The following SCAF11 variants were observed in gnomAD, a reference collection of about 807,000 sequenced individuals.
The protein encoded by SCAF11 is protein SCAF11.
In SCAF11, 47 loss-of-function variants were observed where a neutral mutation model predicts 140.5. The observed-to-expected ratio is 0.33, with a 90% CI of 0.26 to 0.43. The LOEUF (loss-of-function observed/expected upper bound fraction) is 0.43. SCAF11 is among the 20% of genes least tolerant of loss of function. The pLI is 1.00. For synonymous variants in SCAF11, 557 were observed against 579.4 expected (o/e 0.96, Z 0.55); for missense variants, 1,645 against 1,705.1 (o/e 0.96, Z 0.62).
chr12:45,977,551 C>T (rs1403100202), intron 1 of SCAF11, among the ~76,000 whole-genome samples: 2 of 152,048 alleles, frequency 1.3e-5, no homozygotes, highest in African/African-American at 4.8e-5. Flanking sequence ...CCTCAAAAAG[C>T]TCAATTTTAC....
In SCAF11 at chr12:45,927,326, G is replaced by C. The variant is rs1206376371; in HGVS notation, c.2375C>G (p.Ser792Cys). 1 of 1,613,304 alleles carries C rather than the reference G, an allele frequency of 6.2e-7. No individual in the cohort carries two copies. Among genetic ancestry groups the C allele is most frequent in the Non-Finnish European group, 8.5e-7 (1 of 1,179,592 alleles). Reference sequence around the variant, plus strand: ...AGTTGTAGATGGAGAATGAAATCTAGATCTTCGAGTACGAGGCTTTTTGGT... The same window carrying C: ...AGTTGTAGATGGAGAATGAAATCTACATCTTCGAGTACGAGGCTTTTTGGT... The part of the protein sequence containing the change: ...DKTKKPRTRR[S>C]RFHSPSTTWS... Residue 792 changes from serine (S) to cysteine (C), a missense_variant, in exon 11 of 15, where the codon TCT becomes TGT. Physicochemically the swap from Ser to Cys is moderately radical, Grantham distance 112. This residue lies in a region of SCAF11 where 1,582 missense variants were observed against 1,609.2 expected (regional missense o/e 0.98). Transcript: ENST00000369367.
At chr12:45,960,115 A>G (rs1945790124) in intron 3 of SCAF11, among the ~76,000 whole-genome samples, 1 of 152,198 alleles carries the variant, frequency 6.6e-6, no homozygotes, top group Non-Finnish European at 1.5e-5. Context: ...AGTAGAGTTA[A>G]GTATGTGCAT....
At chr12:45,991,971 C>CA, upstream of SCAF11, 1 of 1,289,206 alleles carries the variant, frequency 7.8e-7, no homozygotes, top group South Asian at 1.2e-5. Flanking sequence ...GCTCTCCAGC[C>CA]ACCCTGACGC....
In SCAF11 at chr12:45,924,801, G is replaced by A; in HGVS notation, c.3833C>T (p.Pro1278Leu). The change falls in exon 12 of 15, where the codon CCA becomes CTA. Residue 1278 changes from proline to leucine, a missense_variant. Around this residue, in one of 2 missense-constraint regions of SCAF11, gnomAD observed 1,582 missense variants for 1,609.2 expected, o/e 0.98. Transcript: ENST00000369367. ...TPTSVSQGLP[P>L]PPPPPPPSQQ... is the part of the protein sequence containing the mutation. ...GGATGGTGGGGGAGGGGGTGGTGGT[G>A]GTGGTAGTCCCTGAGATACACTGGT... 1 of 1,613,828 alleles carries A rather than the reference G, an allele frequency of 6.2e-7. No individual in the cohort carries two copies. The highest frequency in any genetic ancestry group is 8.5e-7 in the Non-Finnish European group (1 of 1,179,902).
intron 8 of SCAF11, 147 bp downstream of exon 8, chr12:45,934,029 T>C (rs1945114074): frequency 5.7e-6 from 3 of 521,980 alleles, no homozygotes; most frequent in Non-Finnish European, 6.8e-6. Context: ...TAGTTTACCT[T>C]CCCCCCCGCC....
At chr12:45,955,423 T>G (rs973116224) in intron 3 of SCAF11, 1 of 152,504 alleles carries the variant, frequency 6.6e-6, no homozygotes. Flanking sequence ...GTGTTGGGAT[T>G]ACAAGCGTGA....
intron 1 of SCAF11, chr12:45,974,255 T>C (rs1320435105): frequency 2.1e-6 from 1 of 469,826 alleles, no homozygotes; most frequent in Admixed American, 2.4e-5. Context: ...TTTTTGATGG[T>C]GGAGGGTCTT....
intron 1 of SCAF11, among the ~76,000 whole-genome samples, chr12:45,968,942 C>A (rs913083228): frequency 2.0e-5 from 3 of 152,034 alleles, no homozygotes; most frequent in Middle Eastern, 6.3e-3. Context: ...CACCCAAAAA[C>A]GCAAAAAACA....
intron 13 of SCAF11, 108 bp from the exon 14 acceptor site, chr12:45,922,690 A>T (rs1944743730): frequency 9.1e-6 from 10 of 1,095,926 alleles, no homozygotes; most frequent in Non-Finnish European, 1.3e-5. Context: ...AGACTCTCCA[A>T]CTATTAACGT....
At chr12:45,961,493 G>T (rs1945828575) in intron 3 of SCAF11, 1 of 575,664 alleles carries the variant, frequency 1.7e-6, no homozygotes, top group East Asian at 2.9e-5. Context: ...AAAAAAGTAT[G>T]CATTTAAAAT....
At chr12:45,929,077 C>T in intron 10 of SCAF11, 1 of 324,340 alleles carries the variant, frequency 3.1e-6, no homozygotes, top group East Asian at 5.0e-5. Flanking sequence ...TAGATTTGGT[C>T]CAAATGGGCA....
At chr12:45,945,436 T>C (rs1945399404) in intron 5 of SCAF11, 123 bp from the exon 6 acceptor site, 3 of 617,548 alleles carry the variant, frequency 4.9e-6, no homozygotes, top group Non-Finnish European at 8.5e-6. Flanking sequence ...GTAACTATGC[T>C]GAAATCTGGT....
At position 45,926,810 on chromosome 12, in the gene SCAF11, G is replaced by A; in HGVS notation, c.2891C>T (p.Pro964Leu). 6.2e-7 allele frequency: 1 copy of A among 1,614,048 alleles called. No homozygotes were observed. The highest frequency in any genetic ancestry group is 8.5e-7 in the Non-Finnish European group (1 of 1,180,014). Residue 964 changes from proline to leucine, a missense_variant, in exon 11 of 15, where the codon CCC (proline) becomes CTC (leucine). By Grantham distance (98) the Pro-to-Leu change is moderately conservative. Coordinates refer to ENST00000369367, the MANE Select transcript of SCAF11 (RefSeq NM_004719.3). ...ATTTGCCCATCTTCCCTTCCACCGG[G>A]GAGAGTAACTATCTCTGTCAATTCT... ...FGRIDRDSYS[P>L]RWKGRWANDG...
chr12:45,927,062 G>A lies in SCAF11; in HGVS notation c.2639C>T (p.Ser880Leu), dbSNP rs1038327940. ...AGAAGTTTCTCTTCTTGGGGACAGT[G>A]ATTCAGATCTTCTGCTTTCCCTAGT... ...DTTRESRRSE[S>L]LSPRRETSRE... Residue 880 changes from serine (S) to leucine (L), a missense_variant, in exon 11 of 15, where the codon TCA (serine) becomes TTA (leucine). Ser to Leu is a moderately radical substitution (Grantham distance 145). This residue lies in a region of SCAF11 where 1,582 missense variants were observed against 1,609.2 expected (regional missense o/e 0.98). Transcript: ENST00000369367. 37 of 1,614,030 alleles carry A rather than the reference G, an allele frequency of 2.3e-5. No individual in the cohort carries two copies. Among genetic ancestry groups the A allele is most frequent in the Non-Finnish European group, 3.0e-5 (35 of 1,180,026 alleles).
intron 1 of SCAF11, among the ~76,000 whole-genome samples, chr12:45,980,001 G>A (rs186441004): frequency 3.7e-4 from 56 of 152,144 alleles, no homozygotes; most frequent in Admixed American, 3.3e-3. Context: ...AGATTTTTGT[G>A]TAAGCGTTTC....
chr12:45,978,138 A>T (rs1565692718), intron 1 of SCAF11, among the ~76,000 whole-genome samples: 1 of 152,174 alleles, frequency 6.6e-6, no homozygotes, highest in Non-Finnish European at 1.5e-5. Context: ...ATCAAATGAC[A>T]GGCTTCCATT....
At position 45,990,558 on chromosome 12, in the gene SCAF11, T is replaced by C; in HGVS notation, c.-227A>G. ...CCCAGGTTGCGCTGCTCCGCGCGGC[T>C]TAAGCCACCGCTACTCCCCCTTCCC... On this transcript the variant is annotated 5_prime_UTR_variant, in exon 1 of 15. Transcript: ENST00000369367. 1 of 1,231,492 alleles carries C rather than the reference T, an allele frequency of 8.1e-7. No individual in the cohort carries two copies. Among genetic ancestry groups the C allele is most frequent in the Non-Finnish European group, 1.0e-6 (1 of 987,966 alleles). The allele number at this position is 1,231,492 out of a possible 1,614,324, so 76.3% of individuals were successfully genotyped here.
chr12:45,934,874 T>C (rs1045165431), intron 6 of SCAF11: 4 of 153,684 alleles, frequency 2.6e-5, no homozygotes, highest in African/African-American at 9.6e-5. Context: ...ATAATACACT[T>C]AACATTTCTT....
intron 6 of SCAF11, among the ~76,000 whole-genome samples, chr12:45,939,836 A>G (rs928065306): frequency 1.3e-5 from 2 of 152,258 alleles, no homozygotes; most frequent in African/African-American, 2.4e-5. Context: ...CTTTTATAAA[A>G]AGAAATTTAA....
Sources: allele counts gnomAD v4.1 joint callset (sites outside exome capture counted in the v4.1 genomes callset), GRCh38; gene constraint gnomAD v4.1.1; regional missense constraint gnomAD v4.1.1; transcripts MANE v1.5; gene names NCBI Gene and HGNC (gene_info 2026-07-23, HGNC 2026-07-21).